NCAPD3: variants seen among roughly 807,000 people sequenced by gnomAD.
The protein encoded by NCAPD3 is condensin-2 complex subunit D3.
A neutral mutation model predicts 182.9 loss-of-function variants in NCAPD3; 105 were observed. The observed-to-expected ratio is 0.57, with a 90% CI of 0.49 to 0.68. NCAPD3 has a LOEUF of 0.68. Ranked by LOEUF, NCAPD3 falls within the 30% of genes least tolerant of loss-of-function variation. The pLI is 0.00. For synonymous variants in NCAPD3, 815 were observed against 679.9 expected (o/e 1.20, Z -3.09); for missense variants, 1,944 against 1,837.0 (o/e 1.06, Z -1.07).
chr11:134,184,725 A>T lies in NCAPD3; in HGVS notation c.2363T>A (p.Phe788Tyr). The T allele has an allele frequency of 1.9e-6, 3 of 1,613,824 alleles. No individual in the cohort carries two copies. Among genetic ancestry groups the T allele is most frequent in the Non-Finnish European group, 2.5e-6 (3 of 1,179,910 alleles). ...TDAVKCKLNGFQWSLEVISSA... is the reference protein window; with the variant it reads ...TDAVKCKLNGYQWSLEVISSA... Reference sequence around the variant, plus strand: ...ACTGATCACCTCTAGAGACCACTGAAATCCATTCAGCTTACACTTGACAGC... The same window carrying T: ...ACTGATCACCTCTAGAGACCACTGATATCCATTCAGCTTACACTTGACAGC... Residue 788 changes from phenylalanine (F) to tyrosine (Y), a missense_variant, in exon 19 of 35, where the codon TTT (phenylalanine) becomes TAT (tyrosine). Phe to Tyr is a conservative substitution (Grantham distance 22). Transcript: ENST00000534548.
intron 18 of NCAPD3, 53 bp downstream of exon 18, chr11:134,184,845 ACACAC>A: frequency 9.7e-6 from 13 of 1,336,584 alleles, no homozygotes; most frequent in South Asian, 1.2e-5. Flanking sequence ...ACACACACAC[ACACAC>A]CTGAAATGAA....
Position 134,192,845 on chromosome 11 carries a change from T to G in NCAPD3, c.1889A>C (p.Asp630Ala). ...WLRGVVPVVM[D>A]CESTVQEKAL... is the part of the protein sequence containing the mutation. ...CTTCTCCTGCACAGTGCTCTCGCAG[T>G]CCATCACCACCGGGACCACCCCCCG... Residue 630 changes from aspartate (D) to alanine (A), a missense_variant, in exon 16 of 35, where the codon GAC (aspartate) becomes GCC (alanine). Coordinates refer to ENST00000534548, the MANE Select transcript of NCAPD3 (RefSeq NM_015261.3). 1 of 1,614,092 alleles carries G rather than the reference T, an allele frequency of 6.2e-7. No homozygotes were observed. Among genetic ancestry groups the G allele is most frequent in the African/African-American group, 1.3e-5 (1 of 75,050 alleles).
Position 134,209,442 on chromosome 11 carries a change from A to G in NCAPD3, c.603T>C (p.Asn201=), listed in dbSNP as rs2136019254. The change falls in exon 5 of 35, where the codon AAT becomes AAC. Residue 201 remains asparagine, a synonymous_variant. Coordinates refer to ENST00000534548, the MANE Select transcript of NCAPD3 (RefSeq NM_015261.3). ...DEIIEEQEDE[N]ICFSARDLSQ... The stretch of plus-strand genomic sequence containing the variant: ...AAAGGTCCCGGGCAGAAAAACAAAT[A>G]TTCTCATCTTCTTGTTCTTCTATAA... 1 of 1,612,840 alleles carries G rather than the reference A, an allele frequency of 6.2e-7. No individual in the cohort carries two copies.
intron 29 of NCAPD3, 118 bp downstream of exon 29, chr11:134,159,774 C>CCTT: frequency 9.0e-7 from 1 of 1,113,078 alleles, no homozygotes; most frequent in Non-Finnish European, 1.3e-6. Context: ...ACTCTCGAGG[C>CCTT]CTTCGGGCTG....
intron 16 of NCAPD3, among the ~76,000 whole-genome samples, 198 bp from the exon 17 acceptor site, chr11:134,185,724 A>G (rs975715721): frequency 2.0e-5 from 3 of 152,072 alleles, no homozygotes; most frequent in African/African-American, 7.2e-5. Context: ...TTATTCTACT[A>G]TCAGTTATAT....
chr11:134,220,063 G>C (rs1277169626), intron 2 of NCAPD3, among the ~76,000 whole-genome samples: 1 of 152,094 alleles, frequency 6.6e-6, no homozygotes, highest in African/African-American at 2.4e-5. Context: ...CAAAGTACTG[G>C]GATTACAGGC....
At position 134,203,667 on chromosome 11, in the gene NCAPD3, C is replaced by T. The variant is rs774263498; in HGVS notation, c.1455G>A (p.Glu485=). Residue 485 remains glutamate (E), a synonymous_variant, in exon 11 of 35, where the codon GAG becomes GAA. Transcript: ENST00000534548. The stretch of plus-strand genomic sequence containing the variant: ...CGCCATACTCACTGTTAATCAGGAG[C>T]TCCAGGATACTCTCCGACGCACTGG... ...TVTSASESIL[E]LLINSPTFSV... 6.2e-7 allele frequency: 1 copy of T among 1,612,814 alleles called. No individual in the cohort carries two copies. Among genetic ancestry groups the T allele is most frequent in the South Asian group, 1.1e-5 (1 of 91,050 alleles).
chr11:134,186,802 G>C (rs1257491026), intron 16 of NCAPD3, among the ~76,000 whole-genome samples: 2 of 152,108 alleles, frequency 1.3e-5, no homozygotes. Flanking sequence ...ATAAGCATAT[G>C]CATATAAATG....
rs1490175446 is a variant in NCAPD3, at chr11:134,152,571, AT to A, written c.*372del. On this transcript the variant is annotated 3_prime_UTR_variant, in exon 35 of 35. Coordinates refer to ENST00000534548, the MANE Select transcript of NCAPD3 (RefSeq NM_015261.3). Reference sequence around the variant, plus strand: ...CATTACAGATGGGAAAATATGTACTATAAGGAATTCAAGTTAACAGAGGCTT... The same window carrying A: ...CATTACAGATGGGAAAATATGTACTAAAGGAATTCAAGTTAACAGAGGCTT... 5.9e-6 allele frequency: 1 copy of A among 168,902 alleles called. No individual in the cohort carries two copies. The highest frequency in any genetic ancestry group is 2.4e-5 in the African/African-American group (1 of 42,166). The allele number at this position is 168,902 out of a possible 1,614,324, so 10.5% of individuals were successfully genotyped here. A position where few individuals can be genotyped will look rare whatever the true frequency, so the allele number is the denominator to read the frequency against.
intron 16 of NCAPD3, chr11:134,185,877 TTATAG>T (rs1236227730): frequency 6.2e-6 from 1 of 160,764 alleles, no homozygotes; most frequent in East Asian, 1.8e-4. Flanking sequence ...GCTTACACAG[TTATAG>T]TGACAAAAAT....
intron 32 of NCAPD3, among the ~76,000 whole-genome samples, chr11:134,155,682 G>C (rs907496835): frequency 6.6e-6 from 1 of 152,136 alleles, no homozygotes; most frequent in Non-Finnish European, 1.5e-5. Context: ...CGTTCTCCCC[G>C]TTTCTTCAGC....
intron 4 of NCAPD3, 134 bp from the exon 5 acceptor site, chr11:134,209,611 G>C: frequency 1.3e-6 from 1 of 780,504 alleles, no homozygotes; most frequent in Non-Finnish European, 2.0e-6. Flanking sequence ...ACTTTGACCA[G>C]GTCGCATGAC....
Position 134,160,033 on chromosome 11 carries a change from A to G in NCAPD3, c.3726T>C (p.Phe1242=), listed in dbSNP as rs1943532983. 9.3e-6 allele frequency: 15 copies of G among 1,614,140 alleles called. No individual in the cohort carries two copies. The East Asian group carries it at 3.3e-4, about 36-fold the overall frequency. Residue 1242 remains phenylalanine, a synonymous_variant, in exon 29 of 35, where the codon TTT becomes TTC. Coordinates refer to ENST00000534548, the MANE Select transcript of NCAPD3 (RefSeq NM_015261.3). ...QDYRDELKDF[F]AVDKQLASEL... The stretch of plus-strand genomic sequence containing the variant: ...CTGATGCCAGCTGTTTGTCAACTGC[A>G]AAGAAGTCCTTGAGCTCATCTCGGT...
chr11:134,158,360 C>A lies in NCAPD3; in HGVS notation c.4003G>T (p.Gly1335Trp). ...TTGGGCAGCAACCTCTGCAATGGCCCTGTTTCAGGTGTAGGAGATGATACT... is the reference window on the plus strand; with the variant it reads ...TTGGGCAGCAACCTCTGCAATGGCCATGTTTCAGGTGTAGGAGATGATACT... Reference protein sequence around the residue: ...VAVSSPTPETGPLQRLLPKAR... With the variant: ...VAVSSPTPETWPLQRLLPKAR... The change falls in exon 30 of 35, where the codon GGG (glycine) becomes TGG (tryptophan). Residue 1335 changes from glycine to tryptophan, a missense_variant. By Grantham distance (184) the Gly-to-Trp change is radical. Coordinates refer to ENST00000534548, the MANE Select transcript of NCAPD3 (RefSeq NM_015261.3). 1 of 1,614,210 alleles carries A rather than the reference C, an allele frequency of 6.2e-7. No homozygotes were observed. Among genetic ancestry groups the A allele is most frequent in the Non-Finnish European group, 8.5e-7 (1 of 1,180,030 alleles).
chr11:134,154,636 C>CAGCCTCGCCCCTCCTGGG (rs1591817065), intron 32 of NCAPD3, among the ~76,000 whole-genome samples: 26 of 151,902 alleles, frequency 1.7e-4, no homozygotes, highest in East Asian at 1.9e-4. Flanking sequence ...CTGGGTGGTG[C>CAGCCTCGCCCCTCCTGGG]TGTACCCAGT....
intron 27 of NCAPD3, among the ~76,000 whole-genome samples, chr11:134,164,663 G>C (rs2120616254): frequency 6.6e-6 from 1 of 150,752 alleles, no homozygotes; most frequent in South Asian, 2.1e-4. Context: ...TGTGACATGA[G>C]CTTGGGGGAG....
intron 13 of NCAPD3, among the ~76,000 whole-genome samples, chr11:134,201,904 C>T (rs750172295): frequency 6.6e-6 from 1 of 152,214 alleles, no homozygotes; most frequent in Admixed American, 6.5e-5. Flanking sequence ...CCCAATTTCA[C>T]GCTGACCTTC....
intron 1 of NCAPD3, among the ~76,000 whole-genome samples, chr11:134,222,637 T>C (rs771395850): frequency 2.6e-5 from 4 of 152,214 alleles, no homozygotes; most frequent in Non-Finnish European, 4.4e-5. Flanking sequence ...ATAATAGATA[T>C]GTAAAATGTA....
intron 13 of NCAPD3, among the ~76,000 whole-genome samples, chr11:134,202,527 A>G (rs892863513): frequency 6.6e-6 from 1 of 152,058 alleles, no homozygotes; most frequent in African/African-American, 2.4e-5. Flanking sequence ...ACAGGGGCAC[A>G]CCACCACGCC....
Sources: gnomAD v4.1 joint callset for allele counts (sites outside exome capture counted in the v4.1 genomes callset) on GRCh38, gnomAD v4.1.1 for gene constraint, MANE v1.5 for transcripts, NCBI Gene and HGNC (gene_info 2026-07-23, HGNC 2026-07-21) for gene names.